The following TRPM3 variants were observed in gnomAD, a reference collection of about 807,000 sequenced individuals.
The protein encoded by TRPM3 is transient receptor potential cation channel subfamily M member 3, also known as long transient receptor potential channel 3.
In TRPM3, 77 loss-of-function variants were observed where a neutral mutation model predicts 181.2. The ratio of observed to expected loss-of-function variants is 0.42; its 90% confidence interval spans 0.35 to 0.51. The LOEUF (loss-of-function observed/expected upper bound fraction) is 0.51. Ranked by LOEUF, TRPM3 falls within the 20% of genes least tolerant of loss-of-function variation. TRPM3 has a pLI of 0.01. For synonymous variants in TRPM3, 745 were observed against 796.4 expected, an observed-to-expected ratio of 0.94 and a Z score of 1.09; for missense variants, 1,759 against 2,196.7, an observed-to-expected ratio of 0.80 and a Z score of 3.98.
intron 1 of TRPM3, among the ~76,000 whole-genome samples, chr9:70,988,282 A>G (rs543034338): frequency 2.0e-5 from 3 of 152,336 alleles, no homozygotes; most frequent in South Asian, 2.1e-4. Flanking sequence ...AGAGCTAAGC[A>G]TATAGGCTTT....
intron 6 of TRPM3, among the ~76,000 whole-genome samples, chr9:70,795,869 G>T (rs1302556442): frequency 6.6e-6 from 1 of 152,214 alleles, no homozygotes; most frequent in Non-Finnish European, 1.5e-5. Context: ...CATCCAAGCA[G>T]CATTCCTCTG....
rs1370835331 is a variant in TRPM3 at position 70,625,442 on chromosome 9, A to T, written c.1668+40T>A. 6.3e-7 allele frequency: 1 copy of T among 1,592,652 alleles called. No individual in the cohort carries two copies. The highest frequency in any genetic ancestry group is 8.5e-7 in the Non-Finnish European group (1 of 1,172,328). ...AGTAAAAAAAAAATAATGAAAAAAGAAACATATGAATGTATTATTATGCTG... is the reference window on the plus strand; with the variant it reads ...AGTAAAAAAAAAATAATGAAAAAAGTAACATATGAATGTATTATTATGCTG... On this transcript the variant is annotated intron_variant, in intron 13 of 25. Coordinates refer to ENST00000677713, the MANE Select transcript of TRPM3 (RefSeq NM_001366145.2). The surrounding 1 kb of genome is among the most constrained non-coding windows in gnomAD (Gnocchi z 4.8).
At chr9:70,764,326 C>T (rs908906578) in intron 7 of TRPM3, among the ~76,000 whole-genome samples, 2 of 152,156 alleles carry the variant, frequency 1.3e-5, no homozygotes, top group Admixed American at 6.5e-5. Context: ...TGATTAACAA[C>T]AGAAAGGATT....
intron 1 of TRPM3, among the ~76,000 whole-genome samples, chr9:70,927,735 G>T (rs769910475): frequency 3.9e-5 from 6 of 152,100 alleles, no homozygotes; most frequent in Non-Finnish European, 8.8e-5. Context: ...CACAGCATCT[G>T]GTAGGTCCTG....
At chr9:71,101,124 A>C (rs915128508) in intron 1 of TRPM3, among the ~76,000 whole-genome samples, 4 of 152,100 alleles carry the variant, frequency 2.6e-5, no homozygotes, top group African/African-American at 9.7e-5. Context: ...TAATACACTT[A>C]CTGCCTCTAC....
At chr9:71,431,806 G>C (rs2093957938) in intron 1 of TRPM3, among the ~76,000 whole-genome samples, 1 of 152,112 alleles carries the variant, frequency 6.6e-6, no homozygotes, top group African/African-American at 2.4e-5. Context: ...AAACAGCCTG[G>C]TATTAATAAA....
intron 1 of TRPM3, among the ~76,000 whole-genome samples, chr9:70,943,597 A>G (rs1218430221): frequency 2.6e-5 from 4 of 152,216 alleles, no homozygotes; most frequent in Admixed American, 6.5e-5. Context: ...AATGGCAAAC[A>G]TAGGTCACAG....
chr9:70,870,187 T>C (rs567753387), intron 1 of TRPM3, among the ~76,000 whole-genome samples: 3 of 152,044 alleles, frequency 2.0e-5, no homozygotes, highest in Non-Finnish European at 4.4e-5. Context: ...ATAAGCATAA[T>C]ACTGGGAAAC....
chr9:70,788,914 T>A (rs2084613019), intron 6 of TRPM3, among the ~76,000 whole-genome samples: 1 of 152,116 alleles, frequency 6.6e-6, no homozygotes, highest in Non-Finnish European at 1.5e-5. Context: ...GGGGAGTGAC[T>A]GTAAATACAG....
chr9:71,400,205 C>T (rs555264891), intron 1 of TRPM3, among the ~76,000 whole-genome samples: 331 of 152,240 alleles, frequency 2.2e-3, no homozygotes, highest in Non-Finnish European at 3.0e-3. Context: ...AAGCAATCCA[C>T]GCACCTCAGT....
At chr9:70,802,654 G>T (rs2089462666) in intron 6 of TRPM3, among the ~76,000 whole-genome samples, 1 of 152,128 alleles carries the variant, frequency 6.6e-6, no homozygotes, top group Non-Finnish European at 1.5e-5. Flanking sequence ...GATACAATAA[G>T]CACTCTTATT....
chr9:71,106,444 C>T (rs1486058235), intron 1 of TRPM3, among the ~76,000 whole-genome samples: 1 of 152,016 alleles, frequency 6.6e-6, no homozygotes, highest in African/African-American at 2.4e-5. Flanking sequence ...GCACCTCCTC[C>T]CTCACTTTCT....
intron 1 of TRPM3, among the ~76,000 whole-genome samples, chr9:71,337,481 G>A (rs1011262538): frequency 1.3e-5 from 2 of 152,132 alleles, no homozygotes; most frequent in African/African-American, 4.8e-5. Flanking sequence ...GTTGGTGGGA[G>A]TGTAAACTAG....
intron 1 of TRPM3, among the ~76,000 whole-genome samples, chr9:71,416,814 G>A (rs1249026713): frequency 3.3e-5 from 5 of 151,908 alleles, no homozygotes; most frequent in African/African-American, 1.2e-4. Context: ...ACCCCAGGAA[G>A]TTTCCTTTTA....
chr9:70,941,770 A>C (rs2096888363), intron 1 of TRPM3, among the ~76,000 whole-genome samples: 4 of 152,218 alleles, frequency 2.6e-5, no homozygotes, highest in Admixed American at 2.6e-4. Flanking sequence ...ATTGTACCAA[A>C]TGAACATCTG....
At position 70,660,479 on chromosome 9, in the gene TRPM3, T is replaced by A. The variant is rs76368441; in HGVS notation, c.1346-19819A>T. Among the ~76,000 whole-genome samples the A allele has an allele frequency of 2.0e-3, 300 of 152,202 alleles. 1 individual carries two copies. Among genetic ancestry groups the A allele is most frequent in the African/African-American group, 6.8e-3 (281 of 41,546 alleles). Reference sequence around the variant, plus strand: ...CAAACCAATTTTCATCCTACATATGTTGACTGATGTTTCATGTCTCCCTAA... The same window carrying A: ...CAAACCAATTTTCATCCTACATATGATGACTGATGTTTCATGTCTCCCTAA... On this transcript the variant is annotated intron_variant, in intron 9 of 25. Transcript: ENST00000677713.
At chr9:71,076,917 A>G (rs768639109) in intron 1 of TRPM3, among the ~76,000 whole-genome samples, 2 of 152,190 alleles carry the variant, frequency 1.3e-5, no homozygotes, top group African/African-American at 2.4e-5. Flanking sequence ...CCTTTCTCTA[A>G]TAACAGTTTC....
At chr9:70,935,679 G>A (rs1053056148) in intron 1 of TRPM3, among the ~76,000 whole-genome samples, 4 of 152,038 alleles carry the variant, frequency 2.6e-5, no homozygotes, top group African/African-American at 9.7e-5. Context: ...CAAATTAGCT[G>A]GATCTAATAA....
At chr9:71,236,333 G>C (rs546255901) in intron 1 of TRPM3, among the ~76,000 whole-genome samples, 1 of 152,080 alleles carries the variant, frequency 6.6e-6, no homozygotes, top group African/African-American at 2.4e-5. Flanking sequence ...ACTCTATACT[G>C]TTTCTTTTAA....
Sources: allele counts gnomAD v4.1 joint callset (sites outside exome capture counted in the v4.1 genomes callset), GRCh38; gene constraint gnomAD v4.1.1; non-coding constraint Gnocchi (gnomAD v3.1); transcripts MANE v1.5; gene names NCBI Gene and HGNC (gene_info 2026-07-23, HGNC 2026-07-21).